SIGLECL1: variants seen among roughly 807,000 people sequenced by gnomAD.
The protein encoded by SIGLECL1 is SIGLEC family-like protein 1.
In SIGLECL1, 16 loss-of-function variants were observed where a neutral mutation model predicts 19.1. The observed-to-expected ratio is 0.84, with a 90% CI of 0.57 to 1.27. SIGLECL1 has a LOEUF of 1.27. Among genes scored for constraint, SIGLECL1 ranks in the 50% most tolerant of loss-of-function variants. The pLI is 0.00. For synonymous variants in SIGLECL1, 89 were observed against 90.4 expected (o/e 0.98, Z 0.09); for missense variants, 210 against 239.4 (o/e 0.88, Z 0.81).
At position 51,265,602 on chromosome 19, in the gene SIGLECL1, G is replaced by A. The variant is rs1172914863; in HGVS notation, c.257G>A (p.Gly86Glu). 6.2e-7 allele frequency: 1 copy of A among 1,614,150 alleles called. No homozygotes were observed. Among genetic ancestry groups the A allele is most frequent in the East Asian group, 2.2e-5 (1 of 44,872 alleles). Residue 86 changes from glycine to glutamate, a missense_variant, in exon 3 of 6, where the codon GGG (glycine) becomes GAG (glutamate). Physicochemically the swap from Gly to Glu is moderately conservative, Grantham distance 98. Transcript: ENST00000601727. ...ATGGGCATGAGACTTCTCTGTGAGG[G>A]GAAGAACCAAAACGGAACCCATGCT... ...PEMGMRLLCE[G>E]KNQNGTHALS...
In SIGLECL1 at chr19:51,265,544, A is replaced by G; in HGVS notation, c.199A>G (p.Asn67Asp). Reference protein sequence around the residue: ...VTSTMLGPWANSTISLTEEPE... With the variant: ...VTSTMLGPWADSTISLTEEPE... The stretch of plus-strand genomic sequence containing the variant: ...TTCCACCATGCTTGGCCCCTGGGCT[A>G]ACAGCACCATCAGCCTAACTGAAGA... The change falls in exon 3 of 6, where the codon AAC becomes GAC. Residue 67 changes from asparagine to aspartate, a missense_variant. Coordinates refer to ENST00000601727, the MANE Select transcript of SIGLECL1 (RefSeq NM_001385465.1). 1 of 1,614,172 alleles carries G rather than the reference A, an allele frequency of 6.2e-7. No individual in the cohort carries two copies. Among genetic ancestry groups the G allele is most frequent in the Middle Eastern group, 1.7e-4 (1 of 6,058 alleles).
chr19:51,261,931 C>A (rs987388825), intron 1 of SIGLECL1, among the ~76,000 whole-genome samples: 1 of 152,080 alleles, frequency 6.6e-6, no homozygotes, highest in African/African-American at 2.4e-5. Flanking sequence ...ACAAAGGGAG[C>A]AGACCAGTGT....
At chr19:51,265,695 G>A (rs1983602681) in intron 3 of SIGLECL1, 46 bp downstream of exon 3, 2 of 1,612,244 alleles carry the variant, frequency 1.2e-6, no homozygotes. Flanking sequence ...CAATAAGCGG[G>A]ATGGGGACAG....
chr19:51,269,138 C>A lies in SIGLECL1; in HGVS notation c.*541C>A, dbSNP rs528817528. On this transcript the variant is annotated 3_prime_UTR_variant, in exon 6 of 6. Coordinates refer to ENST00000601727, the MANE Select transcript of SIGLECL1 (RefSeq NM_001385465.1). Reference sequence around the variant, plus strand: ...GGGTGAAAAGTACTGTTCAGAGATGCAGGTGAGAAAAAACATGACGATGGG... The same window carrying A: ...GGGTGAAAAGTACTGTTCAGAGATGAAGGTGAGAAAAAACATGACGATGGG... The A allele has an allele frequency of 0.016, 2,453 of 153,732 alleles. 57 individuals carry two copies. Among genetic ancestry groups the A allele is most frequent in the Middle Eastern group, 0.084 (25 of 296 alleles). 9.5% of individuals were successfully genotyped at this position (153,732 alleles called of 1,614,324 possible).
upstream of SIGLECL1, among the ~76,000 whole-genome samples, chr19:51,246,670 T>C (rs570293945): frequency 9.2e-5 from 14 of 152,250 alleles, no homozygotes; most frequent in East Asian, 2.5e-3. Context: ...CCCAGGCCTT[T>C]TCTGGGCCTT....
In SIGLECL1 at chr19:51,265,829, T is replaced by C; in HGVS notation, c.357T>C (p.Ala119=). The C allele has an allele frequency of 6.2e-7, 1 of 1,614,184 alleles. No individual in the cohort carries two copies. The highest frequency in any genetic ancestry group is 8.5e-7 in the Non-Finnish European group (1 of 1,180,030). The part of the protein sequence containing the change: ...QAFVKGLIQG[A]IYAGIVIALL... ...TCGTGAAAGGGCTGATCCAGGGTGC[T>C]ATCTATGCGGGAATTGTAATTGCGC... The change falls in exon 4 of 6, where the codon GCT becomes GCC. Residue 119 remains alanine, a synonymous_variant. Coordinates refer to ENST00000601727, the MANE Select transcript of SIGLECL1 (RefSeq NM_001385465.1).
At chr19:51,254,628 G>C (rs1441608456) in intron 1 of SIGLECL1, among the ~76,000 whole-genome samples, 10 of 152,102 alleles carry the variant, frequency 6.6e-5, no homozygotes, top group African/African-American at 2.2e-4. Flanking sequence ...CTACAACTAG[G>C]GGGTGGAGTT....
At chr19:51,248,755 T>G (rs1982345981), upstream of SIGLECL1, among the ~76,000 whole-genome samples, 1 of 152,150 alleles carries the variant, frequency 6.6e-6, no homozygotes. Context: ...ATAGTTTCAT[T>G]TGGTTAAAGG....
chr19:51,258,948 A>G lies in SIGLECL1; in HGVS notation c.-190-4935A>G, dbSNP rs529641790. Reference sequence around the variant, plus strand: ...TTTTAGAAGCCAGAAGGCAAACATGACAATGGGAAATCTGACCTCAGATCT... The same window carrying G: ...TTTTAGAAGCCAGAAGGCAAACATGGCAATGGGAAATCTGACCTCAGATCT... On this transcript the variant is annotated intron_variant, in intron 1 of 5. Coordinates refer to ENST00000601727, the MANE Select transcript of SIGLECL1 (RefSeq NM_001385465.1). Among the ~76,000 whole-genome samples the G allele has an allele frequency of 3.3e-4, 50 of 152,268 alleles. No individual in the cohort carries two copies. In the South Asian group the frequency reaches 6.2e-3, roughly 19 times the overall value.
At chr19:51,253,401 A>AGC (rs1431017270) in intron 1 of SIGLECL1, among the ~76,000 whole-genome samples, 1 of 151,852 alleles carries the variant, frequency 6.6e-6, no homozygotes, top group African/African-American at 2.4e-5. Context: ...AGAGAGAGAG[A>AGC]AGCTGGTTGT....
At chr19:51,256,862 CT>C (rs1159048505) in intron 1 of SIGLECL1, among the ~76,000 whole-genome samples, 3 of 152,126 alleles carry the variant, frequency 2.0e-5, no homozygotes, top group African/African-American at 7.2e-5. Flanking sequence ...TCTCTGATCA[CT>C]GCTCTAACCA....
intron 2 of SIGLECL1, among the ~76,000 whole-genome samples, 189 bp from the exon 3 acceptor site, chr19:51,265,179 A>T (rs1983546271): frequency 6.6e-6 from 1 of 152,176 alleles, no homozygotes; most frequent in Admixed American, 6.5e-5. Context: ...AGGTCTAGCG[A>T]TCAGGTTCAG....
At chr19:51,248,933 C>G (rs1037159268), upstream of SIGLECL1, among the ~76,000 whole-genome samples, 1 of 152,144 alleles carries the variant, frequency 6.6e-6, no homozygotes, top group Non-Finnish European at 1.5e-5. Flanking sequence ...TACTTGGAAA[C>G]AAAGGCCTTG....
intron 1 of SIGLECL1, 79 bp downstream of exon 1, chr19:51,251,624 A>C (rs1230589318): frequency 1.3e-5 from 2 of 152,456 alleles, no homozygotes; most frequent in Non-Finnish European, 2.9e-5. Flanking sequence ...AAATCAGTTC[A>C]TGAGAAAATC....
chr19:51,260,937 GC>G (rs1983167079), intron 1 of SIGLECL1, among the ~76,000 whole-genome samples: 1 of 152,156 alleles, frequency 6.6e-6, no homozygotes, highest in Non-Finnish European at 1.5e-5. Flanking sequence ...GGTCAAATTT[GC>G]TGATCAAGTT....
At chr19:51,258,382 TGTCCTGCG>T (rs776520668) in intron 1 of SIGLECL1, among the ~76,000 whole-genome samples, 61 of 152,334 alleles carry the variant, frequency 4.0e-4, no homozygotes, top group Admixed American at 9.2e-4. Flanking sequence ...ATTCCTGGGC[TGTCCTGCG>T]GTCACCTGTG....
At chr19:51,258,856 C>T (rs922164552) in intron 1 of SIGLECL1, among the ~76,000 whole-genome samples, 2 of 152,132 alleles carry the variant, frequency 1.3e-5, no homozygotes, top group Non-Finnish European at 2.9e-5. Context: ...CAGTGAGAAC[C>T]TAGACTTGCC....
chr19:51,247,777 C>T (rs1025144610), upstream of SIGLECL1, among the ~76,000 whole-genome samples: 2 of 152,208 alleles, frequency 1.3e-5, no homozygotes, highest in African/African-American at 4.8e-5. Context: ...AGCAAAAGTA[C>T]ACCCTGAGAG....
chr19:51,257,187 G>C (rs1982863952), intron 1 of SIGLECL1, among the ~76,000 whole-genome samples: 2 of 152,006 alleles, frequency 1.3e-5, no homozygotes, highest in African/African-American at 4.8e-5. Context: ...TGGGAGGACG[G>C]CTTGAGCCTA....
Sources: gnomAD v4.1 joint callset for allele counts (sites outside exome capture counted in the v4.1 genomes callset) on GRCh38, gnomAD v4.1.1 for gene constraint, MANE v1.5 for transcripts, NCBI Gene and HGNC (gene_info 2026-07-23, HGNC 2026-07-21) for gene names.